CAPN5: variants seen among roughly 807,000 people sequenced by gnomAD.
CAPN5 encodes the protein calpain 5.
Under a neutral mutation model 73.0 loss-of-function variants are expected in CAPN5, and 54 were observed. The ratio of observed to expected loss-of-function variants is 0.74; its 90% CI spans 0.59 to 0.93. The LOEUF is 0.93. CAPN5 is among the 40% of genes least tolerant of loss of function. CAPN5 has a pLI of 0.00. For synonymous variants in CAPN5, 335 were observed against 356.9 expected, an observed-to-expected ratio of 0.94 and a Z score of 0.69; for missense variants, 785 against 882.9, an observed-to-expected ratio of 0.89 and a Z score of 1.41.
chr11:77,124,796 AT>A lies in CAPN5; in HGVS notation c.*927del, dbSNP rs1250340407. 2.6e-5 allele frequency: 4 copies of A among 152,156 alleles called. No homozygotes were observed. In the East Asian group the frequency reaches 7.8e-4, roughly 29 times the overall value. The allele number at this position is 152,156 out of a possible 1,614,324, so 9.4% of individuals were successfully genotyped here. ...GTAAGACCCCAGCTTTTCCTGGAAG[AT>A]GGGACTCTGGGGTGTGTGGTGCTCA... On this transcript the variant is annotated 3_prime_UTR_variant, in exon 13 of 13. Transcript: ENST00000648180.
intron 3 of CAPN5, among the ~76,000 whole-genome samples, chr11:77,109,073 G>A (rs1414024264): frequency 1.3e-5 from 2 of 152,148 alleles, no homozygotes; most frequent in African/African-American, 2.4e-5. Context: ...AAGCTCATAC[G>A]GTTTAGGAAC....
chr11:77,104,394 C>T (rs782756922), intron 3 of CAPN5, among the ~76,000 whole-genome samples: 4 of 152,202 alleles, frequency 2.6e-5, no homozygotes, highest in Non-Finnish European at 4.4e-5. Flanking sequence ...TCTTGGGCTT[C>T]TTCAATGCAG....
Position 77,116,318 on chromosome 11 carries a change from GC to G in CAPN5, c.971+18del. 1 of 1,607,400 alleles carries G rather than the reference GC, an allele frequency of 6.2e-7. No individual in the cohort carries two copies. The highest frequency in any genetic ancestry group is 8.5e-7 in the Non-Finnish European group (1 of 1,175,544). Reference sequence around the variant, plus strand: ...GGTGAGTTCTGGTGAGTGTGTATGTGCCCTGGGCGTCCGGGGCTGAGGGGGC... The same window carrying G: ...GGTGAGTTCTGGTGAGTGTGTATGTGCCTGGGCGTCCGGGGCTGAGGGGGC... On this transcript the variant is annotated intron_variant, in intron 7 of 12. Transcript: ENST00000648180.
intron 2 of CAPN5, among the ~76,000 whole-genome samples, chr11:77,091,515 T>C (rs782036421): frequency 1.3e-4 from 20 of 152,218 alleles, no homozygotes; most frequent in Non-Finnish European, 2.4e-4. Context: ...TGCCCACTTC[T>C]CAGTGCCTTG....
intron 2 of CAPN5, 76 bp from the exon 3 acceptor site, chr11:77,093,606 T>C: frequency 7.7e-7 from 1 of 1,293,036 alleles, no homozygotes; most frequent in Non-Finnish European, 1.1e-6. Context: ...CACGTCTGTG[T>C]CTGTCATGTC....
At chr11:77,101,837 C>T (rs11237089) in intron 3 of CAPN5, among the ~76,000 whole-genome samples, 3,065 of 152,318 alleles carry the variant, frequency 0.02, 92 homozygotes, top group African/African-American at 0.07. Flanking sequence ...TGGTTCCGCC[C>T]CGGGCCCTGG....
chr11:77,095,220 A>G (rs553375902), intron 3 of CAPN5, among the ~76,000 whole-genome samples: 1 of 151,994 alleles, frequency 6.6e-6, no homozygotes, highest in African/African-American at 2.4e-5. Context: ...AGGCCCAGAG[A>G]GGGCTGGGGC....
At chr11:77,076,129 AG>A (rs1345171361) in intron 1 of CAPN5, among the ~76,000 whole-genome samples, 3 of 151,732 alleles carry the variant, frequency 2.0e-5, no homozygotes, top group Non-Finnish European at 4.4e-5. Flanking sequence ...TGGGAGGCCA[AG>A]GCAGGCAGAT....
At chr11:77,099,897 T>A (rs539579150) in intron 3 of CAPN5, among the ~76,000 whole-genome samples, 1 of 152,130 alleles carries the variant, frequency 6.6e-6, no homozygotes, top group South Asian at 2.1e-4. Flanking sequence ...AGTGCAATGG[T>A]GCGATCACGG....
intron 3 of CAPN5, chr11:77,102,894 C>G: frequency 1.2e-6 from 2 of 1,612,332 alleles, no homozygotes; most frequent in Non-Finnish European, 1.7e-6. Context: ...GGTCCTGGAC[C>G]AGGGCCTGAC....
At chr11:77,104,955 G>T (rs369824024) in intron 3 of CAPN5, among the ~76,000 whole-genome samples, 333 of 152,228 alleles carry the variant, frequency 2.2e-3, no homozygotes, top group Middle Eastern at 6.8e-3. Context: ...GCTGAGCACT[G>T]GTCCTTTCTG....
chr11:77,107,971 G>A (rs1445061831), intron 3 of CAPN5, among the ~76,000 whole-genome samples: 1 of 152,188 alleles, frequency 6.6e-6, no homozygotes, highest in Non-Finnish European at 1.5e-5. Context: ...AGAGCTCCAA[G>A]GCTGTCTCCT....
intron 2 of CAPN5, among the ~76,000 whole-genome samples, chr11:77,091,391 G>A (rs3781687): frequency 3.3e-5 from 5 of 152,086 alleles, no homozygotes; most frequent in Non-Finnish European, 5.9e-5. Flanking sequence ...GCTCAGGAGC[G>A]CCTGCTGGAG....
chr11:77,120,050 T>G (rs940749374), intron 9 of CAPN5: 1 of 152,276 alleles, frequency 6.6e-6, no homozygotes, highest in South Asian at 2.1e-4. Flanking sequence ...CCTCTATTTT[T>G]TTTGTTTGTT....
chr11:77,082,298 G>T (rs1182583208), intron 1 of CAPN5, among the ~76,000 whole-genome samples: 1 of 152,164 alleles, frequency 6.6e-6, no homozygotes, highest in African/African-American at 2.4e-5. Context: ...AGCTCAGGTG[G>T]TCCTGAACCC....
At chr11:77,095,708 G>A (rs1337646846) in intron 3 of CAPN5, among the ~76,000 whole-genome samples, 2 of 152,226 alleles carry the variant, frequency 1.3e-5, no homozygotes, top group South Asian at 4.1e-4. Context: ...GAGCCTATGT[G>A]TCCTGCCCTG....
Position 77,116,299 on chromosome 11 carries a change from T to A in CAPN5, c.967T>A (p.Phe323Ile). 1 of 1,612,678 alleles carries A rather than the reference T, an allele frequency of 6.2e-7. No individual in the cohort carries two copies. The change falls in exon 7 of 13, where the codon TTC (phenylalanine) becomes ATC (isoleucine). Residue 323 changes from phenylalanine to isoleucine, a missense_variant. By Grantham distance (21) the Phe-to-Ile change is conservative. Coordinates refer to ENST00000648180, the MANE Select transcript of CAPN5 (RefSeq NM_004055.5). The part of the protein sequence containing the change: ...MGVTVQDDGE[F>I]WMTFEDVCRY... The stretch of plus-strand genomic sequence containing the variant: ...TGTGACCGTGCAGGACGACGGTGAG[T>A]TCTGGTGAGTGTGTATGTGCCCTGG...
At chr11:77,095,938 C>T (rs1174232156) in intron 3 of CAPN5, among the ~76,000 whole-genome samples, 6 of 152,204 alleles carry the variant, frequency 3.9e-5, no homozygotes, top group East Asian at 1.9e-4. Context: ...GAGGCCAGGG[C>T]GGGTCTGGGC....
chr11:77,069,208 A>C (rs1401844025), intron 1 of CAPN5, among the ~76,000 whole-genome samples: 2 of 152,156 alleles, frequency 1.3e-5, no homozygotes, highest in African/African-American at 4.8e-5. Context: ...CATGTGCGGA[A>C]TGGGGATAAA....
Sources: allele counts gnomAD v4.1 joint callset (sites outside exome capture counted in the v4.1 genomes callset), GRCh38; gene constraint gnomAD v4.1.1; transcripts MANE v1.5; gene names NCBI Gene and HGNC (gene_info 2026-07-23, HGNC 2026-07-21).